Variants in CLASP1 observed in about 807,000 individuals in gnomAD.
CLASP1 encodes cytoplasmic linker associated protein 1.
Under a neutral mutation model 192.3 loss-of-function variants are expected in CLASP1, and 38 were observed. That is an observed-to-expected ratio of 0.20 (90% CI 0.15 to 0.26). CLASP1 has a LOEUF of 0.26. CLASP1 is among the 10% of genes least tolerant of loss of function. CLASP1 has a pLI of 1.00. For synonymous variants in CLASP1, 691 were observed against 712.8 expected (o/e 0.97, Z 0.49); for missense variants, 1,433 against 1,932.5 (o/e 0.74, Z 4.85).
chr2:121,402,763 CTT>C (rs1279077104), intron 26 of CLASP1: 1 of 443,270 alleles, frequency 2.3e-6, no homozygotes, highest in East Asian at 6.2e-5. Context: ...TGAGTTAAAT[CTT>C]ACTGCTTTTA....
chr2:121,425,602 G>A (rs2080248741), intron 21 of CLASP1, among the ~76,000 whole-genome samples: 2 of 152,000 alleles, frequency 1.3e-5, no homozygotes, highest in Non-Finnish European at 2.9e-5. Flanking sequence ...AATTCTGTAA[G>A]AGCTGATTAT....
intron 2 of CLASP1, among the ~76,000 whole-genome samples, chr2:121,599,317 C>A (rs1250264763): frequency 2.0e-5 from 3 of 149,156 alleles, no homozygotes; most frequent in African/African-American, 7.4e-5. Flanking sequence ...CAGCCGGGCA[C>A]GGTGGCTCAC....
chr2:121,465,702 C>T lies in CLASP1; in HGVS notation c.866-3097G>A, dbSNP rs555977035. 3.3e-5 allele frequency among the ~76,000 whole-genome samples: 5 copies of T among 152,212 alleles called. No individual in the cohort carries two copies. In the South Asian group the frequency reaches 8.3e-4, roughly 25 times the overall value. ...GTTCATATGGAACCACAAAAGAGCCCGCATCGCCAAGTCAATCCTAAGCCA... is the reference window on the plus strand; with the variant it reads ...GTTCATATGGAACCACAAAAGAGCCTGCATCGCCAAGTCAATCCTAAGCCA... On this transcript the variant is annotated intron_variant, in intron 9 of 39. Transcript: ENST00000263710.
intron 30 of CLASP1, 100 bp downstream of exon 31, chr2:121,397,040 G>T: frequency 8.7e-7 from 1 of 1,155,992 alleles, no homozygotes; most frequent in Non-Finnish European, 1.3e-6. Flanking sequence ...AGTGATATAG[G>T]TTTGTGGGTG....
intron 19 of CLASP1, among the ~76,000 whole-genome samples, chr2:121,443,857 A>G (rs2083820078): frequency 6.6e-6 from 1 of 152,184 alleles, no homozygotes. Context: ...ATCCATTCCT[A>G]TCTTTCTTTT....
At chr2:121,602,785 C>T (rs969310984) in intron 2 of CLASP1, among the ~76,000 whole-genome samples, 1 of 152,148 alleles carries the variant, frequency 6.6e-6, no homozygotes, top group Non-Finnish European at 1.5e-5. Flanking sequence ...ATCCCCATCT[C>T]TCACCCTATA....
chr2:121,347,130 C>T lies in CLASP1; in HGVS notation c.4438G>A (p.Val1480Met). ...AAGCAAAACACGCTGGCCTTACGCACACTACTTTCGGTGTTGTCATAACCC... is the reference window on the plus strand; with the variant it reads ...AAGCAAAACACGCTGGCCTTACGCATACTACTTTCGGTGTTGTCATAACCC... Residue 1480 changes from valine to methionine, a missense_variant, in exon 39 of 40, where the codon GTG becomes ATG. Coordinates refer to ENST00000263710, the Ensembl canonical transcript of CLASP1. The T allele has an allele frequency of 2.5e-6, 4 of 1,578,770 alleles. 1 individual carries two copies. In the South Asian group the frequency reaches 3.5e-5, roughly 14 times the overall value.
intron 1 of CLASP1, among the ~76,000 whole-genome samples, chr2:121,644,978 A>C (rs946632814): frequency 2.0e-5 from 3 of 151,942 alleles, no homozygotes; most frequent in Non-Finnish European, 4.4e-5. Flanking sequence ...AAAAAAAAAA[A>C]AACAAGAGTT....
intron 30 of CLASP1, among the ~76,000 whole-genome samples, chr2:121,389,484 G>GAAAA (rs10640938): frequency 7.2e-6 from 1 of 139,706 alleles, no homozygotes. Context: ...TTAGGTGTTA[G>GAAAA]AAAAAAAAAA....
intron 2 of CLASP1, among the ~76,000 whole-genome samples, chr2:121,554,120 G>A (rs543547250): frequency 6.6e-6 from 1 of 152,168 alleles, no homozygotes; most frequent in South Asian, 2.1e-4. Flanking sequence ...GGAGGCTGAG[G>A]TGGGAGGACC....
intron 7 of CLASP1, among the ~76,000 whole-genome samples, chr2:121,506,045 A>C (rs999958898): frequency 6.6e-6 from 1 of 152,186 alleles, no homozygotes; most frequent in African/African-American, 2.4e-5. Flanking sequence ...TTTTTTTAAA[A>C]ATGTCATTAG....
chr2:121,436,883 G>T (rs115137647), intron 19 of CLASP1, among the ~76,000 whole-genome samples: 1,568 of 152,210 alleles, frequency 0.01, 28 homozygotes, highest in African/African-American at 0.035. Context: ...CTACAGTCTG[G>T]ATAAGTTCTT....
chr2:121,397,474 G>C (rs941160179), intron 29 of CLASP1, among the ~76,000 whole-genome samples, 191 bp from the exon 31 acceptor site: 2 of 152,158 alleles, frequency 1.3e-5, no homozygotes, highest in South Asian at 2.1e-4. Context: ...TAAGTTTGGG[G>C]ACAGGAAGAG....
intron 2 of CLASP1, among the ~76,000 whole-genome samples, chr2:121,596,748 C>A (rs1442118836): frequency 1.3e-5 from 2 of 152,222 alleles, no homozygotes; most frequent in East Asian, 3.8e-4. Flanking sequence ...ACTTCTCTGT[C>A]AAGGCCTCTC....
At chr2:121,621,856 G>C (rs1319196861) in intron 1 of CLASP1, among the ~76,000 whole-genome samples, 1 of 152,060 alleles carries the variant, frequency 6.6e-6, no homozygotes, top group Non-Finnish European at 1.5e-5. Flanking sequence ...TTGTTTGTTT[G>C]TTTGTTTATG....
At chr2:121,514,258 C>A (rs1166300042) in intron 7 of CLASP1, among the ~76,000 whole-genome samples, 1 of 152,218 alleles carries the variant, frequency 6.6e-6, no homozygotes, top group Non-Finnish European at 1.5e-5. Flanking sequence ...CATCAAGTTA[C>A]ACAGCATGGC....
At chr2:121,370,635 T>C (rs1573930972) in intron 34 of CLASP1, among the ~76,000 whole-genome samples, 3 of 152,122 alleles carry the variant, frequency 2.0e-5, no homozygotes, top group Non-Finnish European at 4.4e-5. Flanking sequence ...CATTCTTCGA[T>C]TTTCACTGCC....
chr2:121,515,620 CG>C (rs755360497), intron 7 of CLASP1, 44 bp downstream of exon 7: 5 of 1,053,146 alleles, frequency 4.7e-6, no homozygotes, highest in South Asian at 1.6e-5. Flanking sequence ...ACAAAGGGGG[CG>C]GGGGGTTGGG....
At chr2:121,459,782 A>G (rs1304990639) in intron 12 of CLASP1, 198 bp downstream of exon 12, 2 of 413,416 alleles carry the variant, frequency 4.8e-6, no homozygotes, top group East Asian at 7.2e-5. Context: ...ACTGAATAAA[A>G]TTTAAAATCT....
Sources: gnomAD v4.1 joint callset for allele counts (sites outside exome capture counted in the v4.1 genomes callset) on GRCh38, gnomAD v4.1.1 for gene constraint, MANE v1.5 for transcripts, NCBI Gene and HGNC (gene_info 2026-07-23, HGNC 2026-07-21) for gene names.